GALNT9: variants seen among roughly 807,000 people sequenced by gnomAD.
GALNT9 encodes GalNAc transferase 9.
A neutral mutation model predicts 63.1 loss-of-function variants in GALNT9; 47 were observed. The observed-to-expected ratio is 0.75, with a 90% CI of 0.59 to 0.95. The LOEUF (loss-of-function observed/expected upper bound fraction) is 0.95, where lower values mean the gene tolerates loss of function less well. Among genes scored for constraint, GALNT9 ranks in the 40% least tolerant of loss-of-function variants. The pLI, the probability that GALNT9 is intolerant of heterozygous loss-of-function variation, is 0.00. For missense variants in GALNT9, 829 were observed against 874.8 expected (o/e 0.95, Z 0.66); for synonymous variants, 396 against 365.7 (o/e 1.08, Z -0.94).
At chr12:132,307,669 TAA>T (rs35267743) in intron 1 of GALNT9, among the ~76,000 whole-genome samples, 1 of 140,216 alleles carries the variant, frequency 7.1e-6, no homozygotes, top group Non-Finnish European at 1.5e-5. Context: ...TCATCTCTAC[TAA>T]AAAAAAAAAA....
rs545816126 is a variant in GALNT9 at position 132,218,351 on chromosome 12, T to C, written c.1078-14661A>G. Among the ~76,000 whole-genome samples, 3 of 152,304 alleles carry C rather than the reference T, an allele frequency of 2.0e-5. No individual in the cohort carries two copies. The East Asian group carries it at 5.8e-4, about 29-fold the overall frequency. The stretch of plus-strand genomic sequence containing the variant: ...AAACCCAGGCATCCTGACCCCCAGG[T>C]TGTCTCACCTGGTACAAACCCAAGA... On this transcript the variant is annotated intron_variant, in intron 6 of 10. Coordinates refer to ENST00000328957, the MANE Select transcript of GALNT9 (RefSeq NM_001122636.2).
intron 1 of GALNT9, among the ~76,000 whole-genome samples, chr12:132,312,693 G>A (rs1464018342): frequency 6.6e-6 from 1 of 152,226 alleles, no homozygotes; most frequent in African/African-American, 2.4e-5. Context: ...GGATGGGAGG[G>A]GAAACTGGCC....
chr12:132,218,825 T>C (rs1437601136), intron 6 of GALNT9, among the ~76,000 whole-genome samples: 1 of 152,196 alleles, frequency 6.6e-6, no homozygotes, highest in African/African-American at 2.4e-5. Flanking sequence ...GGCCAGCCGT[T>C]GTCCAGACCC....
At chr12:132,224,851 C>T (rs1877586737) in intron 6 of GALNT9, among the ~76,000 whole-genome samples, 1 of 148,100 alleles carries the variant, frequency 6.8e-6, no homozygotes, top group South Asian at 2.2e-4. Flanking sequence ...ACCCACACTC[C>T]ACACACTGTA....
At chr12:132,210,419 C>T (rs1353800188) in intron 6 of GALNT9, among the ~76,000 whole-genome samples, 1 of 152,210 alleles carries the variant, frequency 6.6e-6, no homozygotes, top group African/African-American at 2.4e-5. Context: ...ATGCGGCCTT[C>T]ATCGTGAAAC....
intron 5 of GALNT9, among the ~76,000 whole-genome samples, chr12:132,255,670 C>T (rs1555238976): frequency 2.0e-5 from 3 of 152,254 alleles, no homozygotes; most frequent in African/African-American, 7.2e-5. Flanking sequence ...CCGCCCATGG[C>T]CTGGAAGTCC....
In GALNT9 at chr12:132,231,037, C is replaced by T. The variant is rs886801981; in HGVS notation, c.1077+16873G>A. Among the ~76,000 whole-genome samples the T allele has an allele frequency of 1.7e-4, 20 of 116,622 alleles. No individual in the cohort carries two copies. In the East Asian group the frequency reaches 2.0e-3, roughly 12 times the overall value. 76.5% of individuals were successfully genotyped at this position (116,622 alleles called of 152,430 possible). On this transcript the variant is annotated intron_variant, in intron 6 of 10. Transcript: ENST00000328957. The stretch of plus-strand genomic sequence containing the variant: ...CCCTAGTGCCACACACTCGATGGGG[C>T]GACAGAGGAGACAGCGTGGAGTCCC...
Position 132,206,571 on chromosome 12 carries a change from C to T in GALNT9, c.1078-2881G>A, listed in dbSNP as rs35454794. 1.1e-4 allele frequency among the ~76,000 whole-genome samples: 17 copies of T among 150,802 alleles called. No individual in the cohort carries two copies. In the South Asian group the frequency reaches 2.1e-3, roughly 19 times the overall value. On this transcript the variant is annotated intron_variant, in intron 6 of 10. Coordinates refer to ENST00000328957, the MANE Select transcript of GALNT9 (RefSeq NM_001122636.2). Reference sequence around the variant, plus strand: ...CTGAAACATGAGAATCTCTTGAACCCGGGAGGCAGAGGTGACAGTGAGCTG... The same window carrying T: ...CTGAAACATGAGAATCTCTTGAACCTGGGAGGCAGAGGTGACAGTGAGCTG...
At chr12:132,290,222 G>A (rs374902706) in intron 1 of GALNT9, among the ~76,000 whole-genome samples, 2 of 152,124 alleles carry the variant, frequency 1.3e-5, no homozygotes, top group East Asian at 3.8e-4. Context: ...GGACCTTGCA[G>A]AGCCAGGTGC....
At chr12:132,291,957 C>A (rs1880876943) in intron 1 of GALNT9, among the ~76,000 whole-genome samples, 1 of 152,208 alleles carries the variant, frequency 6.6e-6, no homozygotes, top group Admixed American at 6.5e-5. Context: ...GCCCCTGCAG[C>A]CCTCGTGGGT....
intron 1 of GALNT9, among the ~76,000 whole-genome samples, chr12:132,293,609 T>C (rs1343954567): frequency 2.0e-5 from 3 of 152,174 alleles, no homozygotes; most frequent in Non-Finnish European, 4.4e-5. Flanking sequence ...AGCACAAAAA[T>C]GTAGACAACG....
chr12:132,238,826 C>T lies in GALNT9; in HGVS notation c.1077+9084G>A, dbSNP rs1426149468. 2.0e-5 allele frequency among the ~76,000 whole-genome samples: 3 copies of T among 152,194 alleles called. No individual in the cohort carries two copies. The highest frequency in any genetic ancestry group is 7.2e-5 in the African/African-American group (3 of 41,442). On this transcript the variant is annotated intron_variant, in intron 6 of 10. Transcript: ENST00000328957. This position sits in a 1 kb window ranked among gnomAD's most constrained non-coding sequence, Gnocchi z 6.5. The stretch of plus-strand genomic sequence containing the variant: ...CCTAACACACGTCTTTAAATCCACC[C>T]AAAGGATAACTGCATGAATTTTAAC...
chr12:132,228,360 C>T (rs1051598690), intron 6 of GALNT9, among the ~76,000 whole-genome samples: 13 of 143,168 alleles, frequency 9.1e-5, no homozygotes, highest in African/African-American at 3.0e-4. Flanking sequence ...TCCTCGCTCC[C>T]TCCCCAGAGG....
chr12:132,254,260 C>T (rs1002380543), intron 5 of GALNT9, among the ~76,000 whole-genome samples: 1 of 152,150 alleles, frequency 6.6e-6, no homozygotes, highest in African/African-American at 2.4e-5. Flanking sequence ...CCACCCGCCT[C>T]GGCCTCCCAA....
At chr12:132,214,150 C>T (rs532469522) in intron 6 of GALNT9, among the ~76,000 whole-genome samples, 78 of 152,268 alleles carry the variant, frequency 5.1e-4, no homozygotes, top group African/African-American at 1.8e-3. Flanking sequence ...GAGCCGATTC[C>T]GGGGTGCCGT....
intron 6 of GALNT9, among the ~76,000 whole-genome samples, chr12:132,230,275 G>C (rs1411134358): frequency 6.6e-6 from 1 of 152,160 alleles, no homozygotes; most frequent in Non-Finnish European, 1.5e-5. Flanking sequence ...GATGGGGGCC[G>C]CCACACAGGA....
intron 6 of GALNT9, among the ~76,000 whole-genome samples, chr12:132,244,177 GC>G (rs1878604125): frequency 7.0e-6 from 1 of 143,130 alleles, no homozygotes; most frequent in Admixed American, 7.1e-5. Context: ...CGGGCCAAGA[GC>G]ACAAGGTGGG....
intron 7 of GALNT9, 76 bp downstream of exon 7, chr12:132,203,429 C>T: frequency 6.8e-7 from 1 of 1,466,734 alleles, no homozygotes; most frequent in Non-Finnish European, 9.4e-7. Context: ...GGGGGCCTCC[C>T]TCCGGCCCAG....
intron 8 of GALNT9, among the ~76,000 whole-genome samples, chr12:132,199,938 C>T (rs112215505): frequency 0.013 from 1,937 of 152,314 alleles, 41 homozygotes; most frequent in African/African-American, 0.043. Flanking sequence ...ACGGCCACCA[C>T]GAGAGGTCAC....
Sources: allele counts gnomAD v4.1 joint callset (sites outside exome capture counted in the v4.1 genomes callset), GRCh38; gene constraint gnomAD v4.1.1; non-coding constraint Gnocchi (gnomAD v3.1); transcripts MANE v1.5; gene names NCBI Gene and HGNC (gene_info 2026-07-23, HGNC 2026-07-21).